Variants in ELMOD2 observed in about 807,000 individuals in gnomAD.
The protein encoded by ELMOD2 is ELMO domain containing 2.
Under a neutral mutation model 41.0 loss-of-function variants are expected in ELMOD2, and 28 were observed. The observed-to-expected ratio is 0.68, with a 90% CI of 0.51 to 0.94. The LOEUF (loss-of-function observed/expected upper bound fraction) is 0.94. Among genes scored for constraint, ELMOD2 ranks in the 40% least tolerant of loss-of-function variants. The pLI is 0.00. For synonymous variants in ELMOD2, 106 were observed against 107.2 expected (o/e 0.99, Z 0.07); for missense variants, 333 against 343.1 (o/e 0.97, Z 0.23).
chr4:140,526,086 G>A (rs1734553443), intron 2 of ELMOD2, among the ~76,000 whole-genome samples: 1 of 152,176 alleles, frequency 6.6e-6, no homozygotes, highest in African/African-American at 2.4e-5. Context: ...TTGAAATGTG[G>A]CTAGTCTAAA....
At chr4:140,545,919 A>T (rs1039547532) in intron 8 of ELMOD2, among the ~76,000 whole-genome samples, 9 of 152,190 alleles carry the variant, frequency 5.9e-5, no homozygotes, top group African/African-American at 2.2e-4. Context: ...ATTGTGGAAG[A>T]CAGTGTGGTG....
chr4:140,524,576 C>T, intron 1 of ELMOD2: 1 of 985,272 alleles, frequency 1.0e-6, no homozygotes, highest in African/African-American at 1.7e-5. Flanking sequence ...AGATAATGAT[C>T]AACCCAGCTG....
chr4:140,545,114 A>G (rs1735230596), intron 8 of ELMOD2, among the ~76,000 whole-genome samples: 1 of 152,088 alleles, frequency 6.6e-6, no homozygotes, highest in Non-Finnish European at 1.5e-5. Context: ...CTCTGCTCAC[A>G]CTGATTTTTC....
In ELMOD2 at chr4:140,550,706, T is replaced by G. The variant is rs2110890839; in HGVS notation, c.*331T>G. ...AAAATGTGTAAAATCAATTTTCGTT[T>G]TTATGTGTTATAGGGTCAAGTTGGT... On this transcript the variant is annotated 3_prime_UTR_variant, in exon 9 of 9. Transcript: ENST00000323570. 6.3e-6 allele frequency: 1 copy of G among 158,476 alleles called. No individual in the cohort carries two copies. Among genetic ancestry groups the G allele is most frequent in the East Asian group, 1.8e-4 (1 of 5,422 alleles). 9.8% of individuals were successfully genotyped at this position (158,476 alleles called of 1,614,324 possible).
chr4:140,539,972 T>C (rs1011050479), intron 5 of ELMOD2, among the ~76,000 whole-genome samples, 196 bp from the exon 6 acceptor site: 2 of 152,230 alleles, frequency 1.3e-5, no homozygotes, highest in African/African-American at 4.8e-5. Flanking sequence ...TTATTTGTTA[T>C]CTTTTCAAAA....
chr4:140,530,964 AC>A (rs1414935409), intron 3 of ELMOD2, among the ~76,000 whole-genome samples: 1 of 152,150 alleles, frequency 6.6e-6, no homozygotes, highest in South Asian at 2.1e-4. Context: ...AGCTATTCAT[AC>A]CCACATAGTT....
intron 5 of ELMOD2, among the ~76,000 whole-genome samples, chr4:140,539,382 G>A (rs1301631839): frequency 1.3e-5 from 2 of 149,996 alleles, no homozygotes; most frequent in African/African-American, 4.9e-5. Context: ...TCCTTTTTGA[G>A]ATGGAGTCTT....
At chr4:140,529,245 G>A (rs531623413) in intron 3 of ELMOD2, among the ~76,000 whole-genome samples, 22 of 152,308 alleles carry the variant, frequency 1.4e-4, no homozygotes, top group Admixed American at 1.4e-3. Context: ...GCTGTCTGGG[G>A]ACTGTTGTGG....
intron 4 of ELMOD2, among the ~76,000 whole-genome samples, chr4:140,536,875 A>G (rs1274202159): frequency 6.6e-6 from 1 of 152,106 alleles, no homozygotes; most frequent in African/African-American, 2.4e-5. Context: ...CATTTCAGAG[A>G]TAGAAAGGTT....
At chr4:140,543,663 T>A in intron 8 of ELMOD2, 77 bp downstream of exon 8, 1 of 1,120,752 alleles carries the variant, frequency 8.9e-7, no homozygotes, top group Middle Eastern at 3.1e-4. Flanking sequence ...ATATATATTT[T>A]AATCTGTTGT....
intron 3 of ELMOD2, among the ~76,000 whole-genome samples, chr4:140,533,349 T>G (rs189841650): frequency 3.0e-4 from 46 of 152,238 alleles, no homozygotes; most frequent in Non-Finnish European, 6.2e-4. Flanking sequence ...AGACCAGAAA[T>G]TGACCACACC....
intron 6 of ELMOD2, among the ~76,000 whole-genome samples, chr4:140,540,514 G>A (rs1300624273): frequency 6.6e-6 from 1 of 152,180 alleles, no homozygotes; most frequent in Non-Finnish European, 1.5e-5. Flanking sequence ...AGCACTTTGG[G>A]AGGCTGAGGC....
At chr4:140,528,812 T>C (rs1224040657) in intron 3 of ELMOD2, among the ~76,000 whole-genome samples, 1 of 152,096 alleles carries the variant, frequency 6.6e-6, no homozygotes, top group Admixed American at 6.6e-5. Context: ...GGGGGAAGAG[T>C]CCAGAGTTAC....
In ELMOD2 at chr4:140,552,046, A is replaced by G. The variant is rs983902569; in HGVS notation, c.*1671A>G. ...AATATCTTCACTTAATTTTTAAAAA[A>G]TATTTTCATGCTTTATTGTCCAGCT... On this transcript the variant is annotated 3_prime_UTR_variant, in exon 9 of 9. Coordinates refer to ENST00000323570, the MANE Select transcript of ELMOD2 (RefSeq NM_153702.4). 2 of 152,092 alleles carry G rather than the reference A, an allele frequency of 1.3e-5. No individual in the cohort carries two copies. The highest frequency in any genetic ancestry group is 4.8e-5 in the African/African-American group (2 of 41,460). The allele number at this position is 152,092 out of a possible 1,614,324, so 9.4% of individuals were successfully genotyped here. A position where few individuals can be genotyped will look rare whatever the true frequency, so the allele number is the denominator to read the frequency against.
intron 8 of ELMOD2, 126 bp downstream of exon 8, chr4:140,543,712 C>T (rs1371523039): frequency 1.3e-6 from 1 of 763,534 alleles, no homozygotes; most frequent in Non-Finnish European, 1.8e-6. Context: ...CATTTTATTA[C>T]TTAGGGTCTT....
intron 3 of ELMOD2, among the ~76,000 whole-genome samples, chr4:140,533,897 A>G (rs1183096205): frequency 6.6e-6 from 1 of 152,076 alleles, no homozygotes; most frequent in Non-Finnish European, 1.5e-5. Context: ...GGGAAATGCA[A>G]ATTAAAATCA....
At chr4:140,545,485 T>C (rs111454613) in intron 8 of ELMOD2, among the ~76,000 whole-genome samples, 321 of 152,274 alleles carry the variant, frequency 2.1e-3, no homozygotes, top group African/African-American at 7.5e-3. Flanking sequence ...CCAGCAACTG[T>C]ATGTCCAGAT....
chr4:140,541,242 G>C (rs979746330), intron 6 of ELMOD2, among the ~76,000 whole-genome samples: 3 of 152,252 alleles, frequency 2.0e-5, no homozygotes, highest in Admixed American at 2.0e-4. Context: ...AAAATGTCTA[G>C]AATGGGAAGG....
chr4:140,540,400 A>C (rs959307332), intron 6 of ELMOD2, 99 bp downstream of exon 6: 2 of 1,442,540 alleles, frequency 1.4e-6, no homozygotes, highest in Admixed American at 2.1e-5. Context: ...GATTCATACT[A>C]TCTCTGAATT....
Sources: gnomAD v4.1 joint callset for allele counts (sites outside exome capture counted in the v4.1 genomes callset) on GRCh38, gnomAD v4.1.1 for gene constraint, MANE v1.5 for transcripts, NCBI Gene and HGNC (gene_info 2026-07-23, HGNC 2026-07-21) for gene names.